The following PTBP3 variants were observed in gnomAD, a reference collection of about 807,000 sequenced individuals.
PTBP3 encodes polypyrimidine tract binding protein 3.
A neutral mutation model predicts 58.7 loss-of-function variants in PTBP3; 20 were observed. The observed-to-expected ratio is 0.34, with a 90% CI of 0.24 to 0.50. The LOEUF is 0.50. Ranked by LOEUF, PTBP3 falls within the 20% of genes least tolerant of loss-of-function variation. The pLI is 0.98. For missense variants in PTBP3, 509 were observed against 637.2 expected, an observed-to-expected ratio of 0.80 and a Z score of 2.17; for synonymous variants, 185 against 219.8, an observed-to-expected ratio of 0.84 and a Z score of 1.40.
chr9:112,310,242 T>C (rs1829420083), intron 1 of PTBP3, among the ~76,000 whole-genome samples: 1 of 152,240 alleles, frequency 6.6e-6, no homozygotes, highest in Non-Finnish European at 1.5e-5. Context: ...TAAAAACTAC[T>C]GTTTGGACAC....
At chr9:112,239,862 G>C (rs1239577847) in intron 7 of PTBP3, among the ~76,000 whole-genome samples, 1 of 113,952 alleles carries the variant, frequency 8.8e-6, no homozygotes, top group Non-Finnish European at 2.0e-5. Flanking sequence ...AGGGAGGGAG[G>C]GAGGGAGGGA....
intron 1 of PTBP3, among the ~76,000 whole-genome samples, chr9:112,323,767 A>C (rs1830043017): frequency 6.6e-6 from 1 of 152,262 alleles, no homozygotes; most frequent in South Asian, 2.1e-4. Context: ...ACTGTGGGAC[A>C]ATTTCAAATG....
intron 12 of PTBP3, among the ~76,000 whole-genome samples, chr9:112,226,671 A>G (rs938153716): frequency 2.6e-5 from 4 of 152,206 alleles, no homozygotes; most frequent in African/African-American, 9.6e-5. Context: ...TGCTGCAACT[A>G]ATCAGCTTTG....
chr9:112,370,136 A>T, the PTBP3 span, among the ~76,000 whole-genome samples: 37 of 152,276 alleles, frequency 2.4e-4, no homozygotes, highest in African/African-American at 8.4e-4. Context: ...ATAAAAATGG[A>T]CTAATACAAT....
chr9:112,321,985 A>G (rs1829968757), intron 1 of PTBP3, among the ~76,000 whole-genome samples: 2 of 152,014 alleles, frequency 1.3e-5, no homozygotes, highest in African/African-American at 2.4e-5. Context: ...AAATACAAAA[A>G]TTAGCCAGGC....
intron 7 of PTBP3, among the ~76,000 whole-genome samples, chr9:112,244,976 T>C (rs1290743089): frequency 1.3e-5 from 2 of 152,138 alleles, no homozygotes; most frequent in Non-Finnish European, 2.9e-5. Flanking sequence ...AGGAGACAAC[T>C]AGACCATTGT....
At chr9:112,309,055 AC>A (rs1213723479) in intron 1 of PTBP3, among the ~76,000 whole-genome samples, 1 of 152,232 alleles carries the variant, frequency 6.6e-6, no homozygotes, top group Non-Finnish European at 1.5e-5. Context: ...CTGAAAATAA[AC>A]CATTAATTCA....
chr9:112,233,751 C>A (rs912763335), intron 8 of PTBP3, among the ~76,000 whole-genome samples: 10 of 151,930 alleles, frequency 6.6e-5, no homozygotes, highest in African/African-American at 2.2e-4. Context: ...GCCAACATGG[C>A]GAAACCCCAC....
intron 2 of PTBP3, among the ~76,000 whole-genome samples, chr9:112,291,925 C>A (rs918492395): frequency 6.6e-6 from 1 of 151,176 alleles, no homozygotes; most frequent in African/African-American, 2.4e-5. Context: ...AGTAAAAAGA[C>A]AATGAAAGAA....
At chr9:112,231,041 C>T (rs1020482691) in intron 10 of PTBP3, among the ~76,000 whole-genome samples, 4 of 141,248 alleles carry the variant, frequency 2.8e-5, no homozygotes, top group Admixed American at 6.9e-5. Flanking sequence ...TTCCATGCAC[C>T]AGGACCCATC....
chr9:112,369,257 A>G, the PTBP3 span, among the ~76,000 whole-genome samples: 1 of 152,214 alleles, frequency 6.6e-6, no homozygotes, highest in Admixed American at 6.5e-5. Context: ...TCCAGGTCCT[A>G]GAATGACAGA....
At chr9:112,369,148 G>A in the PTBP3 span, among the ~76,000 whole-genome samples, 1 of 152,246 alleles carries the variant, frequency 6.6e-6, no homozygotes, top group Non-Finnish European at 1.5e-5. Flanking sequence ...GAGAACCTCT[G>A]CTAGGGCAGT....
intron 2 of PTBP3, among the ~76,000 whole-genome samples, chr9:112,279,008 G>C (rs1435716495): frequency 6.6e-6 from 1 of 151,940 alleles, no homozygotes; most frequent in Non-Finnish European, 1.5e-5. Flanking sequence ...CCATAATTAA[G>C]AATTTGCCCC....
intron 1 of PTBP3, among the ~76,000 whole-genome samples, chr9:112,317,457 A>G (rs1011839288): frequency 3.3e-5 from 5 of 152,056 alleles, no homozygotes; most frequent in Non-Finnish European, 7.4e-5. Context: ...AAATAGAAAG[A>G]AGGAAATAAA....
chr9:112,282,582 C>G (rs1386606919), intron 2 of PTBP3, among the ~76,000 whole-genome samples: 2 of 152,032 alleles, frequency 1.3e-5, no homozygotes, highest in Non-Finnish European at 2.9e-5. Context: ...TATTTCTGTT[C>G]AAAGTAGCTT....
chr9:112,270,557 T>C (rs1827335566), intron 3 of PTBP3, among the ~76,000 whole-genome samples: 1 of 152,196 alleles, frequency 6.6e-6, no homozygotes, highest in Admixed American at 6.5e-5. Flanking sequence ...AGAATCATAA[T>C]TAAGCATTCC....
intron 2 of PTBP3, among the ~76,000 whole-genome samples, chr9:112,297,395 G>A (rs1828737006): frequency 6.6e-6 from 1 of 152,138 alleles, no homozygotes. Context: ...AGTAGAGACG[G>A]GGTTTCGCCA....
chr9:112,224,003 T>C lies in PTBP3; in HGVS notation c.1443-20A>G. On this transcript the variant is annotated intron_variant, in intron 13 of 13. Coordinates refer to ENST00000374257, the MANE Select transcript of PTBP3 (RefSeq NM_001163788.4). ...TCTTTCCTGAAAATGGTATAAGAAATACAGAAAGTATTTAGAATGAATTTT... is the reference window on the plus strand; with the variant it reads ...TCTTTCCTGAAAATGGTATAAGAAACACAGAAAGTATTTAGAATGAATTTT... The C allele has an allele frequency of 1.9e-6, 3 of 1,604,848 alleles. No individual in the cohort carries two copies. The highest frequency in any genetic ancestry group is 1.7e-6 in the Non-Finnish European group (2 of 1,174,770).
Position 112,233,988 on chromosome 9 carries a change from G to C in PTBP3, c.880+832C>G, listed in dbSNP as rs145671090. ...GTAGTTAAAATTCCCAGAATTCAAA[G>C]GTTAGAATATAAAGATTACTGCCAG... is the stretch of plus-strand genomic sequence containing the variant. On this transcript the variant is annotated intron_variant, in intron 8 of 13. Coordinates refer to ENST00000374257, the MANE Select transcript of PTBP3 (RefSeq NM_001163788.4). Among the ~76,000 whole-genome samples the C allele has an allele frequency of 6.6e-5, 10 of 151,618 alleles. No individual in the cohort carries two copies. The East Asian group carries it at 1.7e-3, about 26-fold the overall frequency.
Sources: gnomAD v4.1 joint callset for allele counts (sites outside exome capture counted in the v4.1 genomes callset) on GRCh38, gnomAD v4.1.1 for gene constraint, MANE v1.5 for transcripts, NCBI Gene and HGNC (gene_info 2026-07-23, HGNC 2026-07-21) for gene names.